SSH2: variants seen among roughly 807,000 people sequenced by gnomAD.
The protein encoded by SSH2 is slingshot protein phosphatase 2, also known as protein phosphatase Slingshot homolog 2.
In SSH2, 37 loss-of-function variants were observed where a neutral mutation model predicts 135.2. That is an observed-to-expected ratio of 0.27 (90% confidence interval 0.21 to 0.36). The LOEUF is 0.36. Among genes scored for constraint, SSH2 ranks in the 10% least tolerant of loss-of-function variants. The pLI, the probability that SSH2 is intolerant of heterozygous loss-of-function variation, is 1.00. For synonymous variants in SSH2, 628 were observed against 646.2 expected, an observed-to-expected ratio of 0.97 and a Z score of 0.43; for missense variants, 1,408 against 1,765.3, an observed-to-expected ratio of 0.80 and a Z score of 3.63.
intron 14 of SSH2, among the ~76,000 whole-genome samples, chr17:29,646,258 C>T (rs182872405): frequency 1.6e-3 from 241 of 152,236 alleles, no homozygotes; most frequent in Middle Eastern, 6.8e-3. Context: ...CATTTTATAA[C>T]CAATTACCAA....
intron 3 of SSH2, among the ~76,000 whole-genome samples, chr17:29,715,958 C>T (rs2039608265): frequency 6.6e-6 from 1 of 152,198 alleles, no homozygotes; most frequent in African/African-American, 2.4e-5. Context: ...AGTCCCATTG[C>T]AACTTCTGTT....
At chr17:29,644,516 C>T (rs1223303116) in intron 14 of SSH2, among the ~76,000 whole-genome samples, 4 of 152,144 alleles carry the variant, frequency 2.6e-5, no homozygotes, top group Non-Finnish European at 4.4e-5. Flanking sequence ...CTTTATAAAA[C>T]TCTCCTCAAT....
intron 5 of SSH2, among the ~76,000 whole-genome samples, chr17:29,691,610 C>T (rs1251774271): frequency 6.6e-6 from 1 of 151,858 alleles, no homozygotes; most frequent in Non-Finnish European, 1.5e-5. Flanking sequence ...CCTGCCTCAG[C>T]CTCCTGAGTA....
At chr17:29,850,029 CAAAAAAAA>C (rs970117948) in intron 1 of SSH2, among the ~76,000 whole-genome samples, 1 of 37,678 alleles carries the variant, frequency 2.7e-5, no homozygotes, top group African/African-American at 9.8e-5. Flanking sequence ...GACTCCATCT[CAAAAAAAA>C]AAAAAAAAAA....
chr17:29,758,014 T>G (rs2041185453), intron 3 of SSH2, among the ~76,000 whole-genome samples: 1 of 151,812 alleles, frequency 6.6e-6, no homozygotes, highest in South Asian at 2.1e-4. Context: ...GCCATTTCAC[T>G]CCAGCCTGAG....
chr17:29,827,120 A>G (rs964832516), intron 2 of SSH2, among the ~76,000 whole-genome samples: 2 of 152,222 alleles, frequency 1.3e-5, no homozygotes, highest in African/African-American at 4.8e-5. Context: ...AATACACACT[A>G]GGGAACACAT....
chr17:29,794,503 A>G (rs1271909920), intron 2 of SSH2, among the ~76,000 whole-genome samples: 5 of 152,174 alleles, frequency 3.3e-5, no homozygotes, highest in African/African-American at 1.2e-4. Context: ...GATGGTACCA[A>G]TTATTTTTAA....
At chr17:29,671,783 T>C in intron 9 of SSH2, 152 bp downstream of exon 9, 2 of 638,750 alleles carry the variant, frequency 3.1e-6, no homozygotes, top group Non-Finnish European at 5.2e-6. Context: ...AATAGGATTC[T>C]TCATATGTGG....
chr17:29,685,850 T>G (rs560667774), intron 5 of SSH2, among the ~76,000 whole-genome samples: 3 of 151,528 alleles, frequency 2.0e-5, no homozygotes, highest in Non-Finnish European at 4.4e-5. Context: ...TCTTTTCTTT[T>G]TCTTTTTTTT....
chr17:29,775,392 G>T (rs2041677900), intron 3 of SSH2, among the ~76,000 whole-genome samples: 1 of 150,992 alleles, frequency 6.6e-6, no homozygotes, highest in Non-Finnish European at 1.5e-5. Flanking sequence ...AGGCTCAAGT[G>T]ATCCTCTTGC....
intron 3 of SSH2, among the ~76,000 whole-genome samples, chr17:29,784,330 A>G (rs2041912504): frequency 6.6e-6 from 1 of 151,768 alleles, no homozygotes; most frequent in Non-Finnish European, 1.5e-5. Flanking sequence ...GGTTGCAATG[A>G]GCCAAGATTG....
At chr17:29,707,235 G>A (rs1258830657) in intron 3 of SSH2, 3 of 151,486 alleles carry the variant, frequency 2.0e-5, no homozygotes, top group South Asian at 2.1e-4. Context: ...ATGCTTTAAA[G>A]TATATGTAAG....
At chr17:29,761,871 G>GTGTGTGTGTGTA (rs1334168372) in intron 3 of SSH2, among the ~76,000 whole-genome samples, 5 of 98,740 alleles carry the variant, frequency 5.1e-5, no homozygotes, top group African/African-American at 2.2e-4. Context: ...GTGTGTGTGT[G>GTGTGTGTGTGTA]TATATATATA....
At chr17:29,883,919 T>C (rs1436919530) in intron 1 of SSH2, among the ~76,000 whole-genome samples, 6 of 152,150 alleles carry the variant, frequency 3.9e-5, no homozygotes, top group African/African-American at 1.4e-4. Context: ...TAATCCTTTT[T>C]CTCCTTCTAT....
rs529161810 is a variant in SSH2, at chr17:29,714,329, A to T, written c.189-11267T>A. Among the ~76,000 whole-genome samples the T allele has an allele frequency of 3.3e-4, 50 of 152,272 alleles. 1 individual carries two copies. The South Asian group carries it at 0.01, about 32-fold the overall frequency. ...AAAACTGTTCAGCATTTAAAAAATA[A>T]TTTCATTTGCATGATTCAACAAATA... On this transcript the variant is annotated intron_variant, in intron 3 of 15. Transcript: ENST00000540801.
chr17:29,664,624 G>A (rs1396051756), intron 11 of SSH2, among the ~76,000 whole-genome samples: 1 of 152,062 alleles, frequency 6.6e-6, no homozygotes, highest in Non-Finnish European at 1.5e-5. Context: ...CACCCCAAGT[G>A]CTGGGATTAT....
chr17:29,658,864 T>C (rs562638495), intron 11 of SSH2, among the ~76,000 whole-genome samples: 2 of 107,886 alleles, frequency 1.9e-5, no homozygotes, highest in Non-Finnish European at 3.4e-5. Flanking sequence ...CGAAACTCCG[T>C]CTCAAAAAAA....
At chr17:29,911,012 GA>G (rs1446080382) in intron 1 of SSH2, among the ~76,000 whole-genome samples, 3 of 151,744 alleles carry the variant, frequency 2.0e-5, no homozygotes, top group African/African-American at 2.4e-5. Flanking sequence ...TGATGTGGCA[GA>G]AAAAAAATCA....
chr17:29,864,500 T>G (rs2065820120), intron 1 of SSH2, among the ~76,000 whole-genome samples: 1 of 151,926 alleles, frequency 6.6e-6, no homozygotes, highest in Non-Finnish European at 1.5e-5. Flanking sequence ...AAGTCTTCTA[T>G]TGCAACTAAC....
Sources: gnomAD v4.1 joint callset for allele counts (sites outside exome capture counted in the v4.1 genomes callset) on GRCh38, gnomAD v4.1.1 for gene constraint, MANE v1.5 for transcripts, NCBI Gene and HGNC (gene_info 2026-07-23, HGNC 2026-07-21) for gene names.